SGPP2: variants seen among roughly 807,000 people sequenced by gnomAD.
SGPP2 encodes the protein sphingosine 1-phosphate phosphohydrolase 2.
SGPP2 carries 30 observed loss-of-function variants against 33.9 expected under a neutral mutation model. That is an observed-to-expected ratio of 0.89 (90% confidence interval 0.66 to 1.20). SGPP2 has a LOEUF of 1.20. SGPP2 is among the 50% of genes most tolerant of loss of function. SGPP2 has a pLI of 0.00. For missense variants in SGPP2, 458 were observed against 532.1 expected, an observed-to-expected ratio of 0.86 and a Z score of 1.37; for synonymous variants, 233 against 225.0, an observed-to-expected ratio of 1.04 and a Z score of -0.32.
Position 222,558,970 on chromosome 2 carries a change from C to A in SGPP2, c.*72C>A. 6.9e-7 allele frequency: 1 copy of A among 1,454,288 alleles called. No homozygotes were observed. The highest frequency in any genetic ancestry group is 9.3e-7 in the Non-Finnish European group (1 of 1,069,776). The allele number at this position is 1,454,288 out of a possible 1,614,324, so 90.1% of individuals were successfully genotyped here. On this transcript the variant is annotated 3_prime_UTR_variant, in exon 5 of 5. Coordinates refer to ENST00000321276, the MANE Select transcript of SGPP2 (RefSeq NM_152386.4). ...ATAGGAAAGTTATTGGTAGGCAAAT[C>A]TTGACAACTTATTTTTCTTTAACAA...
chr2:222,533,391 A>AG (rs1353312311), intron 4 of SGPP2, among the ~76,000 whole-genome samples: 1 of 152,136 alleles, frequency 6.6e-6, no homozygotes, highest in East Asian at 1.9e-4. Flanking sequence ...GACCCTTGGC[A>AG]GGGGGACAGG....
intron 4 of SGPP2, among the ~76,000 whole-genome samples, chr2:222,539,414 A>T (rs1430993474): frequency 6.6e-6 from 1 of 152,248 alleles, no homozygotes; most frequent in Non-Finnish European, 1.5e-5. Flanking sequence ...GGAATTTTAT[A>T]CAGGGAATGT....
intron 4 of SGPP2, among the ~76,000 whole-genome samples, chr2:222,535,080 C>T (rs965483654): frequency 2.0e-5 from 3 of 152,014 alleles, no homozygotes; most frequent in South Asian, 2.1e-4. Context: ...ACAGTGGGGG[C>T]GCAGTGGCTC....
intron 4 of SGPP2, among the ~76,000 whole-genome samples, chr2:222,527,923 G>T (rs1302223997): frequency 6.6e-6 from 1 of 152,120 alleles, no homozygotes. Context: ...TGAGATCTGG[G>T]AGCTCTTGTG....
intron 4 of SGPP2, among the ~76,000 whole-genome samples, chr2:222,547,181 T>C (rs1367268268): frequency 6.6e-6 from 1 of 152,322 alleles, no homozygotes; most frequent in East Asian, 1.9e-4. Context: ...TGTTCTCTTA[T>C]TGCTCAGAGG....
intron 2 of SGPP2, among the ~76,000 whole-genome samples, chr2:222,521,326 T>G (rs1407783269): frequency 6.6e-6 from 1 of 152,218 alleles, no homozygotes; most frequent in Non-Finnish European, 1.5e-5. Flanking sequence ...AGCACAGACT[T>G]TGAAGTCAGA....
chr2:222,445,933 G>A (rs1241875483), intron 1 of SGPP2, among the ~76,000 whole-genome samples: 1 of 152,224 alleles, frequency 6.6e-6, no homozygotes, highest in Admixed American at 6.5e-5. Flanking sequence ...CAGATTGTCA[G>A]AAGAGTTGGA....
intron 4 of SGPP2, among the ~76,000 whole-genome samples, chr2:222,525,854 T>C (rs1698750311): frequency 6.6e-6 from 1 of 152,166 alleles, no homozygotes; most frequent in African/African-American, 2.4e-5. Context: ...CGGGCCTTCT[T>C]GCTTCTCTCC....
intron 2 of SGPP2, among the ~76,000 whole-genome samples, chr2:222,494,176 T>C (rs1698240765): frequency 6.6e-6 from 1 of 152,194 alleles, no homozygotes; most frequent in Admixed American, 6.5e-5. Flanking sequence ...GGAACACTCC[T>C]TCTATTTTAT....
At chr2:222,461,275 C>T (rs1697655182) in intron 1 of SGPP2, among the ~76,000 whole-genome samples, 1 of 152,178 alleles carries the variant, frequency 6.6e-6, no homozygotes, top group African/African-American at 2.4e-5. Context: ...GTTGTCCCCA[C>T]TGCAAGGTGA....
chr2:222,444,807 A>T (rs537716262), intron 1 of SGPP2, among the ~76,000 whole-genome samples: 1 of 152,182 alleles, frequency 6.6e-6, no homozygotes, highest in Non-Finnish European at 1.5e-5. Context: ...AAAACAATAC[A>T]TTGCAGCTTT....
chr2:222,455,007 G>T (rs541262791), intron 1 of SGPP2, among the ~76,000 whole-genome samples: 1 of 152,130 alleles, frequency 6.6e-6, no homozygotes, highest in South Asian at 2.1e-4. Context: ...CAGGAACAAG[G>T]TGCCCAGCGT....
chr2:222,527,928 C>T (rs1410477661), intron 4 of SGPP2, among the ~76,000 whole-genome samples: 1 of 152,118 alleles, frequency 6.6e-6, no homozygotes, highest in Non-Finnish European at 1.5e-5. Flanking sequence ...TCTGGGAGCT[C>T]TTGTGGTAAA....
Position 222,424,829 on chromosome 2 carries a change from TG to T in SGPP2, c.219+11del. 4 of 1,346,462 alleles carry T rather than the reference TG, an allele frequency of 3.0e-6. No homozygotes were observed. The highest frequency in any genetic ancestry group is 3.8e-6 in the Non-Finnish European group (4 of 1,051,626). 83.4% of individuals were successfully genotyped at this position (1,346,462 alleles called of 1,614,324 possible). On this transcript the variant is annotated intron_variant, in intron 1 of 4. Coordinates refer to ENST00000321276, the MANE Select transcript of SGPP2 (RefSeq NM_152386.4). ...AGAGCCGCGGCGCCGGAGGTAACCATGGGCAGGTGTTCGCCGGGTACGGGGA... is the reference window on the plus strand; with the variant it reads ...AGAGCCGCGGCGCCGGAGGTAACCATGGCAGGTGTTCGCCGGGTACGGGGA...
chr2:222,489,690 G>A (rs1488483902), intron 2 of SGPP2, among the ~76,000 whole-genome samples: 1 of 152,170 alleles, frequency 6.6e-6, no homozygotes, highest in African/African-American at 2.4e-5. Context: ...TGTGGGCGGT[G>A]TGCGGTGACT....
chr2:222,509,769 C>T (rs1698498224), intron 2 of SGPP2, among the ~76,000 whole-genome samples: 1 of 152,122 alleles, frequency 6.6e-6, no homozygotes, highest in Non-Finnish European at 1.5e-5. Context: ...GAGATATAAT[C>T]CACATATGAT....
At chr2:222,489,410 T>C (rs1403166552) in intron 2 of SGPP2, among the ~76,000 whole-genome samples, 2 of 150,286 alleles carry the variant, frequency 1.3e-5, no homozygotes, top group Non-Finnish European at 3.0e-5. Flanking sequence ...TTAGAATGTA[T>C]TAAGAAAAAA....
At chr2:222,444,992 G>A (rs904662652) in intron 1 of SGPP2, among the ~76,000 whole-genome samples, 3 of 152,198 alleles carry the variant, frequency 2.0e-5, no homozygotes, top group African/African-American at 7.2e-5. Context: ...TCCCTGACCA[G>A]ACCCCGACCC....
intron 1 of SGPP2, among the ~76,000 whole-genome samples, chr2:222,425,472 T>G (rs1482241638): frequency 6.6e-6 from 1 of 152,222 alleles, no homozygotes; most frequent in Non-Finnish European, 1.5e-5. Flanking sequence ...TTCTAACAGA[T>G]GCTTCTGGGA....
Sources: allele counts gnomAD v4.1 joint callset (sites outside exome capture counted in the v4.1 genomes callset), GRCh38; gene constraint gnomAD v4.1.1; transcripts MANE v1.5; gene names NCBI Gene and HGNC (gene_info 2026-07-23, HGNC 2026-07-21).